The following TTLL2 variants were observed in gnomAD, a reference collection of about 807,000 sequenced individuals.
The protein encoded by TTLL2 is probable tubulin polyglutamylase TTLL2.
In TTLL2, 10 loss-of-function variants were observed where a neutral mutation model predicts 7.5. The ratio of observed to expected loss-of-function variants is 1.33; its 90% CI spans 0.82 to 2.25. The LOEUF is 2.25. TTLL2 is among the 30% of genes most tolerant of loss of function. TTLL2 has a pLI of 0.00. For synonymous variants in TTLL2, 284 were observed against 280.3 expected (o/e 1.01, Z -0.13); for missense variants, 733 against 735.7 (o/e 1.00, Z 0.04).
chr6:167,336,643 C>A (rs1048516743), intron 1 of TTLL2, among the ~76,000 whole-genome samples: 1 of 152,066 alleles, frequency 6.6e-6, no homozygotes, highest in Non-Finnish European at 1.5e-5. Context: ...CCCTCCGAGA[C>A]AAGACAGTGG....
intron 1 of TTLL2, among the ~76,000 whole-genome samples, chr6:167,337,180 T>C (rs1222473314): frequency 6.6e-6 from 1 of 152,260 alleles, no homozygotes; most frequent in Non-Finnish European, 1.5e-5. Context: ...ACATCTGTGG[T>C]AGTTCCAAAA....
intron 1 of TTLL2, chr6:167,328,490 T>C (rs1279334062): frequency 1.9e-5 from 4 of 211,162 alleles, no homozygotes; most frequent in Admixed American, 5.0e-5. Flanking sequence ...CCTGATGACA[T>C]TGACTGGTGT....
At chr6:167,336,213 G>A (rs1778982158) in intron 1 of TTLL2, among the ~76,000 whole-genome samples, 2 of 151,912 alleles carry the variant, frequency 1.3e-5, no homozygotes. Context: ...ATTTTATGAG[G>A]AGCCTCCATG....
At chr6:167,338,616 GTGTT>G (rs1228800068) in intron 1 of TTLL2, 27 bp from the exon 2 acceptor site, 1 of 1,594,280 alleles carries the variant, frequency 6.3e-7, no homozygotes, top group African/African-American at 1.3e-5. Context: ...GAGATGCTGT[GTGTT>G]CATTGTTGAT....
chr6:167,337,959 A>C (rs184829869), intron 1 of TTLL2, among the ~76,000 whole-genome samples: 34 of 152,154 alleles, frequency 2.2e-4, no homozygotes, highest in African/African-American at 7.7e-4. Flanking sequence ...CAACACACAT[A>C]CATACCACGT....
intron 1 of TTLL2, among the ~76,000 whole-genome samples, chr6:167,335,303 T>C (rs1428220565): frequency 1.3e-5 from 2 of 151,014 alleles, no homozygotes. Flanking sequence ...ATGGCAATCA[T>C]TAAAAAGTCA....
At chr6:167,339,995 G>A in intron 2 of TTLL2, 110 bp from the exon 3 acceptor site, 2 of 1,197,026 alleles carry the variant, frequency 1.7e-6, no homozygotes, top group Non-Finnish European at 2.4e-6. Flanking sequence ...ACAGTGGGAG[G>A]GTGGACACAC....
At chr6:167,329,871 T>C (rs1348968561) in intron 1 of TTLL2, among the ~76,000 whole-genome samples, 1 of 152,192 alleles carries the variant, frequency 6.6e-6, no homozygotes, top group Non-Finnish European at 1.5e-5. Context: ...GCACATCTGA[T>C]GTATTATAGG....
intron 1 of TTLL2, 149 bp downstream of exon 1, chr6:167,325,369 C>T (rs1583105511): frequency 1.4e-6 from 1 of 711,102 alleles, no homozygotes; most frequent in East Asian, 3.0e-5. Flanking sequence ...TTGTAGTCAG[C>T]CCTTCATACT....
chr6:167,329,586 T>A (rs1305177940), intron 1 of TTLL2, among the ~76,000 whole-genome samples: 2 of 152,206 alleles, frequency 1.3e-5, no homozygotes, highest in East Asian at 3.8e-4. Context: ...TATTTGTATA[T>A]TTGTATAGTA....
rs1403697950 is a variant in TTLL2, at chr6:167,341,791, A to G, written c.*112A>G. On this transcript the variant is annotated 3_prime_UTR_variant, in exon 3 of 3. Coordinates refer to ENST00000239587, the MANE Select transcript of TTLL2 (RefSeq NM_031949.5). ...TACCTGTGCCACCAGCATGTTAACTATGACATTGGGACTGAAGATGTGGCC... is the reference window on the plus strand; with the variant it reads ...TACCTGTGCCACCAGCATGTTAACTGTGACATTGGGACTGAAGATGTGGCC... 3.4e-6 allele frequency: 4 copies of G among 1,189,224 alleles called. No homozygotes were observed. The highest frequency in any genetic ancestry group is 4.6e-6 in the Non-Finnish European group (4 of 874,122). 73.7% of individuals were successfully genotyped at this position (1,189,224 alleles called of 1,614,324 possible).
In TTLL2 at chr6:167,340,843, G is replaced by A. The variant is rs760130812; in HGVS notation, c.943G>A (p.Val315Met). 7 of 1,614,064 alleles carry A rather than the reference G, an allele frequency of 4.3e-6. No individual in the cohort carries two copies. The highest frequency in any genetic ancestry group is 1.1e-5 in the South Asian group (1 of 91,086). Residue 315 changes from valine (V) to methionine (M), a missense_variant, in exon 3 of 3, where the codon GTG (valine) becomes ATG (methionine). By Grantham distance (21) the Val-to-Met change is conservative (BLOSUM62 1). Coordinates refer to ENST00000239587, the MANE Select transcript of TTLL2 (RefSeq NM_031949.5). ...GGCCTCTTATGAGAAGATCAAAGAAGTGATTGGTCATGGTTGTAAATGGAC... is the reference window on the plus strand; with the variant it reads ...GGCCTCTTATGAGAAGATCAAAGAAATGATTGGTCATGGTTGTAAATGGAC... The part of the protein sequence containing the change: ...SGASYEKIKE[V>M]IGHGCKWTLS...
chr6:167,340,070 C>T, intron 2 of TTLL2, 35 bp from the exon 3 acceptor site: 1 of 1,536,900 alleles, frequency 6.5e-7, no homozygotes, highest in Non-Finnish European at 8.7e-7. Flanking sequence ...TGGTCTTGAC[C>T]ACTCTCCTAA....
intron 1 of TTLL2, among the ~76,000 whole-genome samples, chr6:167,325,961 G>A (rs1309347361): frequency 2.6e-5 from 4 of 152,174 alleles, no homozygotes; most frequent in African/African-American, 9.7e-5. Context: ...GGCCGAGAAC[G>A]GGTGCAAGGC....
intron 1 of TTLL2, among the ~76,000 whole-genome samples, chr6:167,336,665 G>A (rs566992971): frequency 6.6e-6 from 1 of 152,066 alleles, no homozygotes; most frequent in Admixed American, 6.5e-5. Context: ...TTTGCTCGTT[G>A]GCTCAGCTGT....
intron 2 of TTLL2, among the ~76,000 whole-genome samples, chr6:167,339,823 G>A (rs1376463041): frequency 1.3e-5 from 2 of 152,240 alleles, no homozygotes; most frequent in Non-Finnish European, 2.9e-5. Context: ...AAGTATGATA[G>A]AGTATTTGCA....
intron 1 of TTLL2, among the ~76,000 whole-genome samples, chr6:167,333,651 T>G (rs1778949293): frequency 2.2e-5 from 1 of 45,304 alleles, no homozygotes; most frequent in Non-Finnish European, 4.1e-5. Context: ...AGATTCAACT[T>G]CTTCCTGGTT....
At chr6:167,325,328 C>A in intron 1 of TTLL2, 108 bp downstream of exon 1, 2 of 1,158,712 alleles carry the variant, frequency 1.7e-6, no homozygotes, top group East Asian at 2.9e-5. Flanking sequence ...CTAGGAGCAG[C>A]GAGTGTGCAC....
Position 167,325,106 on chromosome 6 carries a change from C to T in TTLL2, c.-68C>T, listed in dbSNP as rs565902617. On this transcript the variant is annotated 5_prime_UTR_variant, in exon 1 of 3. Transcript: ENST00000239587. ...CAACCAGTGCTCCCTCCAGCCTCCGCGCATTTCAGCTGGCGCTGCAGCTGC... is the reference window on the plus strand; with the variant it reads ...CAACCAGTGCTCCCTCCAGCCTCCGTGCATTTCAGCTGGCGCTGCAGCTGC... 1.1e-5 allele frequency: 17 copies of T among 1,510,560 alleles called. No homozygotes were observed. Among genetic ancestry groups the T allele is most frequent in the Middle Eastern group, 3.6e-4 (2 of 5,626 alleles). 93.6% of individuals were successfully genotyped at this position (1,510,560 alleles called of 1,614,324 possible). A position where few individuals can be genotyped will look rare whatever the true frequency, so the allele number is the denominator to read the frequency against.
Sources: gnomAD v4.1 joint callset for allele counts (sites outside exome capture counted in the v4.1 genomes callset) on GRCh38, gnomAD v4.1.1 for gene constraint, MANE v1.5 for transcripts, NCBI Gene and HGNC (gene_info 2026-07-23, HGNC 2026-07-21) for gene names.